Variants in GRM8 observed in about 807,000 individuals in gnomAD.
GRM8 encodes glutamate metabotropic receptor 8, also known as metabotropic glutamate receptor 8.
Under a neutral mutation model 87.2 loss-of-function variants are expected in GRM8, and 47 were observed. The ratio of observed to expected loss-of-function variants is 0.54; its 90% confidence interval spans 0.43 to 0.69. GRM8 has a LOEUF of 0.69. GRM8 is among the 30% of genes least tolerant of loss of function. The pLI is 0.00. For synonymous variants in GRM8, 396 were observed against 404.5 expected, an observed-to-expected ratio of 0.98 and a Z score of 0.25; for missense variants, 1,019 against 1,139.2, an observed-to-expected ratio of 0.89 and a Z score of 1.52.
chr7:126,891,320 A>G (rs1426818188), intron 6 of GRM8, among the ~76,000 whole-genome samples: 1 of 151,968 alleles, frequency 6.6e-6, no homozygotes, highest in Non-Finnish European at 1.5e-5. Context: ...AAATTACTGT[A>G]GTATCTCATG....
At chr7:127,248,812 G>A (rs1179309741) in intron 1 of GRM8, among the ~76,000 whole-genome samples, 9 of 152,074 alleles carry the variant, frequency 5.9e-5, no homozygotes, top group South Asian at 2.1e-4. Flanking sequence ...CCTTAACAAC[G>A]GTCACAGGTC....
intron 7 of GRM8, among the ~76,000 whole-genome samples, chr7:126,651,967 C>T (rs1430503846): frequency 1.3e-5 from 2 of 152,194 alleles, no homozygotes; most frequent in Non-Finnish European, 2.9e-5. Flanking sequence ...TGCTGGGGTG[C>T]TTGCTGAAGG....
intron 9 of GRM8, among the ~76,000 whole-genome samples, chr7:126,497,574 C>T (rs1808951531): frequency 6.6e-6 from 1 of 151,956 alleles, no homozygotes; most frequent in African/African-American, 2.4e-5. Context: ...TGGACATTCT[C>T]CTTGGCCTGT....
intron 9 of GRM8, among the ~76,000 whole-genome samples, chr7:126,466,290 T>C (rs1400411163): frequency 1.3e-5 from 2 of 151,920 alleles, no homozygotes; most frequent in African/African-American, 4.8e-5. Context: ...GATGTTGATT[T>C]TTTTCATTTA....
At chr7:127,227,288 G>T (rs937204408) in intron 2 of GRM8, among the ~76,000 whole-genome samples, 1 of 152,178 alleles carries the variant, frequency 6.6e-6, no homozygotes, top group Non-Finnish European at 1.5e-5. Context: ...CCAAGGTACA[G>T]GAGACATGGT....
chr7:126,499,137 C>T (rs1426303020), intron 9 of GRM8, among the ~76,000 whole-genome samples: 2 of 151,850 alleles, frequency 1.3e-5, no homozygotes, highest in African/African-American at 4.8e-5. Flanking sequence ...ATTTGAATCT[C>T]TCCAAATCCA....
rs555311509 is a variant in GRM8 at position 127,092,503 on chromosome 7, C to T, written c.727+13993G>A. Among the ~76,000 whole-genome samples, 5 of 152,284 alleles carry T rather than the reference C, an allele frequency of 3.3e-5. No homozygotes were observed. The South Asian group carries it at 8.3e-4, about 25-fold the overall frequency. ...TTGAGGCCAGGAGTTTGAGATGAGC[C>T]TGGGTAACGTGGTGAAATCTTGTCT... On this transcript the variant is annotated intron_variant, in intron 3 of 10. Transcript: ENST00000339582.
chr7:126,647,475 GCCTATTC>G (rs1803283883), intron 7 of GRM8, among the ~76,000 whole-genome samples: 1 of 151,822 alleles, frequency 6.6e-6, no homozygotes, highest in African/African-American at 2.4e-5. Context: ...ATCTAACTCA[GCCTATTC>G]CCTTCTTCAA....
At chr7:126,509,878 G>A (rs1019763973) in intron 9 of GRM8, among the ~76,000 whole-genome samples, 4 of 152,016 alleles carry the variant, frequency 2.6e-5, no homozygotes, top group Admixed American at 2.6e-4. Flanking sequence ...ATGATAACAG[G>A]TGAGAAATAG....
intron 6 of GRM8, among the ~76,000 whole-genome samples, chr7:126,797,029 A>G (rs1822030150): frequency 6.6e-6 from 1 of 152,128 alleles, no homozygotes; most frequent in South Asian, 2.1e-4. Flanking sequence ...GGGAGAGTCT[A>G]ATTGGACATT....
chr7:127,189,703 C>A (rs1264716108), intron 2 of GRM8, among the ~76,000 whole-genome samples: 1 of 152,106 alleles, frequency 6.6e-6, no homozygotes, highest in Non-Finnish European at 1.5e-5. Context: ...AAGGTCAAAG[C>A]CTGCATCTCT....
At chr7:126,578,082 T>C (rs1217292669) in intron 8 of GRM8, among the ~76,000 whole-genome samples, 3 of 152,188 alleles carry the variant, frequency 2.0e-5, no homozygotes, top group African/African-American at 7.2e-5. Flanking sequence ...TGTTTCTTTT[T>C]AAAGAGAAGA....
intron 3 of GRM8, among the ~76,000 whole-genome samples, chr7:126,922,200 A>G (rs1804602453): frequency 6.6e-6 from 1 of 152,190 alleles, no homozygotes; most frequent in Non-Finnish European, 1.5e-5. Context: ...GTTTAAGAAT[A>G]GAAATGGTAT....
At chr7:127,108,820 C>G (rs1826064310) in intron 2 of GRM8, among the ~76,000 whole-genome samples, 1 of 152,072 alleles carries the variant, frequency 6.6e-6, no homozygotes, top group East Asian at 1.9e-4. Flanking sequence ...GGACTTTCTC[C>G]CCAAAGTCTT....
intron 2 of GRM8, among the ~76,000 whole-genome samples, chr7:127,207,633 G>A (rs569415675): frequency 2.6e-5 from 4 of 152,120 alleles, no homozygotes; most frequent in Non-Finnish European, 5.9e-5. Flanking sequence ...ACCCCCAACT[G>A]GCTGAACAAA....
chr7:126,718,752 C>G lies in GRM8; in HGVS notation c.1357+51113G>C, dbSNP rs572773650. ...CCTGAGTGCCACGAGGTTCCAGTTA[C>G]TGCACTATTATATGTTCGTGTCAGC... On this transcript the variant is annotated intron_variant, in intron 7 of 10. Transcript: ENST00000339582. 4.6e-5 allele frequency among the ~76,000 whole-genome samples: 7 copies of G among 152,340 alleles called. No individual in the cohort carries two copies. In the South Asian group the frequency reaches 1.5e-3, roughly 32 times the overall value.
chr7:127,160,502 T>C (rs1275919130), intron 2 of GRM8, among the ~76,000 whole-genome samples: 1 of 150,752 alleles, frequency 6.6e-6, no homozygotes, highest in Non-Finnish European at 1.5e-5. Flanking sequence ...GGGCGGCCTG[T>C]GTAAGGGTGT....
intron 3 of GRM8, among the ~76,000 whole-genome samples, chr7:127,021,052 T>A (rs573667562): frequency 6.6e-6 from 1 of 152,040 alleles, no homozygotes; most frequent in Non-Finnish European, 1.5e-5. Context: ...TTTTAAATGC[T>A]TACAAGGAAT....
chr7:126,504,885 C>T (rs941070236), intron 9 of GRM8, among the ~76,000 whole-genome samples: 14 of 151,982 alleles, frequency 9.2e-5, no homozygotes, highest in Non-Finnish European at 1.3e-4. Flanking sequence ...CCACTAATTT[C>T]CAAATAACTA....
Sources: gnomAD v4.1 joint callset for allele counts (sites outside exome capture counted in the v4.1 genomes callset) on GRCh38, gnomAD v4.1.1 for gene constraint, MANE v1.5 for transcripts, NCBI Gene and HGNC (gene_info 2026-07-23, HGNC 2026-07-21) for gene names.